Variants in NUP62CL observed in about 807,000 individuals in gnomAD.
The protein encoded by NUP62CL is nucleoporin 62 C-terminal like, also known as nucleoporin-62 C-terminal-like protein.
Under a neutral mutation model 15.3 loss-of-function variants are expected in NUP62CL, and 13 were observed. The ratio of observed to expected loss-of-function variants is 0.85; its 90% CI spans 0.55 to 1.35. NUP62CL has a LOEUF of 1.35. Among genes scored for constraint, NUP62CL ranks in the 40% most tolerant of loss-of-function variants. NUP62CL has a pLI of 0.00. For synonymous variants in NUP62CL, 54 were observed against 49.2 expected (o/e 1.10, Z -0.41); for missense variants, 123 against 130.6 (o/e 0.94, Z 0.28).
intron 7 of NUP62CL, among the ~76,000 whole-genome samples, chrX:107,152,968 A>G (rs1569357359): frequency 8.9e-6 from 1 of 112,305 alleles, no homozygotes; most frequent in African/African-American, 3.2e-5. Context: ...CAAAATTGCC[A>G]GAATGATTTC....
intron 8 of NUP62CL, among the ~76,000 whole-genome samples, chrX:107,139,557 A>G (rs1012773061): frequency 2.7e-5 from 3 of 112,201 alleles, no homozygotes; most frequent in Non-Finnish European, 3.8e-5. Flanking sequence ...CCAGCTCAGT[A>G]ACCATATAAT....
intron 8 of NUP62CL, among the ~76,000 whole-genome samples, chrX:107,131,263 A>G (rs1337624285): frequency 8.9e-6 from 1 of 111,778 alleles, no homozygotes; most frequent in Non-Finnish European, 1.9e-5. Context: ...CTATTTAAGA[A>G]GTATAATCAT....
chrX:107,148,716 AAC>A (rs1380450108), intron 7 of NUP62CL, among the ~76,000 whole-genome samples: 2 of 111,555 alleles, frequency 1.8e-5, no homozygotes, highest in East Asian at 5.6e-4. Flanking sequence ...GTGACTGAAT[AAC>A]ACAGTGCATA....
intron 8 of NUP62CL, among the ~76,000 whole-genome samples, chrX:107,142,310 C>T (rs1264281171): frequency 4.5e-5 from 5 of 111,032 alleles, no homozygotes; most frequent in Non-Finnish European, 9.4e-5. Context: ...ATAAGGTGTT[C>T]ATAGCCATTC....
At chrX:107,165,524 C>T (rs1209030317) in intron 4 of NUP62CL, among the ~76,000 whole-genome samples, 5 of 110,191 alleles carry the variant, frequency 4.5e-5, no homozygotes, top group African/African-American at 9.9e-5. Flanking sequence ...TAAAAAAAGA[C>T]GAAAACTACA....
At chrX:107,154,700 C>CT (rs1389723547) in intron 4 of NUP62CL, among the ~76,000 whole-genome samples, 2 of 111,639 alleles carry the variant, frequency 1.8e-5, no homozygotes, top group East Asian at 5.7e-4. Flanking sequence ...ATGCAGAACT[C>CT]TGATTCCCCT....
chrX:107,189,858 GAAGGAAGGAAAAAGAAA>G (rs1927170462), intron 2 of NUP62CL, among the ~76,000 whole-genome samples: 1 of 84,077 alleles, frequency 1.2e-5, no homozygotes, highest in Non-Finnish European at 2.2e-5. Context: ...AGGAAGGAAG[GAAGGAAGGAAAAAGAAA>G]GAAAAGAAAG....
intron 1 of NUP62CL, among the ~76,000 whole-genome samples, chrX:107,200,564 A>G (rs1927456230): frequency 9.3e-6 from 1 of 107,506 alleles, no homozygotes; most frequent in African/African-American, 3.4e-5. Flanking sequence ...GGTTGCAGTG[A>G]GCCGAGATCG....
chrX:107,188,904 A>G (rs1927140046), intron 2 of NUP62CL, among the ~76,000 whole-genome samples: 1 of 111,821 alleles, frequency 8.9e-6, no homozygotes, highest in African/African-American at 3.2e-5. Flanking sequence ...AATCACAAAC[A>G]GCATTCTGTC....
rs1182700179 is a variant in NUP62CL at position 107,150,886 on chromosome X, T to C, written c.530+2286A>G. 8.8e-6 allele frequency: 3 copies of C among 341,132 alleles called. No homozygotes were observed. In the Admixed American group the frequency reaches 9.3e-5, roughly 11 times the overall value. The allele number at this position is 341,132 out of a possible 1,213,427, so 28.1% of individuals were successfully genotyped here. On this transcript the variant is annotated intron_variant, in intron 7 of 8. Transcript: ENST00000372466. The stretch of plus-strand genomic sequence containing the variant: ...CAGTAGTGTCAGAAGAACTTTCAAA[T>C]GTATTCAGGTGATTAACAACGTCCT...
chrX:107,147,275 G>T (rs992149089), intron 8 of NUP62CL, among the ~76,000 whole-genome samples: 2 of 111,122 alleles, frequency 1.8e-5, no homozygotes, highest in African/African-American at 6.5e-5. Context: ...CTCCTAGAAG[G>T]ATGCATCATC....
At chrX:107,198,616 C>T (rs754928808) in intron 1 of NUP62CL, among the ~76,000 whole-genome samples, 53 of 110,861 alleles carry the variant, frequency 4.8e-4, no homozygotes, top group African/African-American at 1.6e-3. Flanking sequence ...TAACACTCAC[C>T]GCGGAGGTTC....
At chrX:107,175,066 T>C (rs1427873673) in intron 3 of NUP62CL, 23 bp downstream of exon 3, 1 of 1,149,353 alleles carries the variant, frequency 8.7e-7, no homozygotes, top group East Asian at 3.0e-5. Flanking sequence ...ATAACAGTAT[T>C]TTCTTTAGAA....
intron 7 of NUP62CL, among the ~76,000 whole-genome samples, chrX:107,149,806 G>T (rs2147797327): frequency 9.0e-6 from 1 of 111,483 alleles, no homozygotes; most frequent in South Asian, 3.8e-4. Flanking sequence ...TCCCACAATG[G>T]GAGATCCCTC....
rs1317393683 is a variant in NUP62CL, at chrX:107,152,095, T to TATA, written c.530+1076_530+1077insTAT. ...ATATATTCAGATATATATATATATA[T>TATA]TCAGATATATATATATATTCAGATA... On this transcript the variant is annotated intron_variant, in intron 7 of 8. Coordinates refer to ENST00000372466, the MANE Select transcript of NUP62CL (RefSeq NM_017681.3). 4.8e-5 allele frequency among the ~76,000 whole-genome samples: 3 copies of TATA among 62,462 alleles called. 1 individual carries two copies. The highest frequency in any genetic ancestry group is 7.8e-5 in the African/African-American group (1 of 12,751). 54.2% of individuals were successfully genotyped at this position (62,462 alleles called of 115,157 possible).
At chrX:107,127,389 T>C (rs905177937) in intron 8 of NUP62CL, among the ~76,000 whole-genome samples, 2 of 111,922 alleles carry the variant, frequency 1.8e-5, no homozygotes, top group Non-Finnish European at 3.8e-5. Flanking sequence ...TCTGTACAAC[T>C]CTATAGGCCT....
intron 2 of NUP62CL, among the ~76,000 whole-genome samples, chrX:107,188,127 A>C (rs964388979): frequency 8.9e-6 from 1 of 112,406 alleles, no homozygotes. Context: ...AGTATTACTT[A>C]CTGACCAAAA....
At chrX:107,172,668 T>C (rs1351255173) in intron 3 of NUP62CL, among the ~76,000 whole-genome samples, 1 of 111,170 alleles carries the variant, frequency 9.0e-6, no homozygotes, top group East Asian at 2.8e-4. Flanking sequence ...CCAACTTCAA[T>C]AGAGGTCAAA....
intron 8 of NUP62CL, 142 bp from the exon 9 acceptor site, chrX:107,124,474 A>G: frequency 3.4e-6 from 1 of 297,469 alleles, no homozygotes; most frequent in Non-Finnish European, 6.3e-6. Context: ...ACACATAAGA[A>G]AAAAACACTC....
Sources: allele counts gnomAD v4.1 joint callset (sites outside exome capture counted in the v4.1 genomes callset), GRCh38; gene constraint gnomAD v4.1.1; transcripts MANE v1.5; gene names NCBI Gene and HGNC (gene_info 2026-07-23, HGNC 2026-07-21).